The following CTSF variants were observed in gnomAD, a reference collection of about 807,000 sequenced individuals.
The protein encoded by CTSF is cathepsin F.
A neutral mutation model predicts 63.5 loss-of-function variants in CTSF; 65 were observed. That is an observed-to-expected ratio of 1.02 (90% confidence interval 0.84 to 1.26). The LOEUF is 1.26. Among genes scored for constraint, CTSF ranks in the 50% most tolerant of loss-of-function variants. The pLI, the probability that CTSF is intolerant of heterozygous loss-of-function variation, is 0.00. For synonymous variants in CTSF, 256 were observed against 258.1 expected (o/e 0.99, Z 0.08); for missense variants, 641 against 631.0 (o/e 1.02, Z -0.17).
Position 66,563,683 on chromosome 11 carries a change from T to A in CTSF, c.*250A>T, listed in dbSNP as rs1857857110. Reference sequence around the variant, plus strand: ...CTTGCCCCAGCTTCAACTGCCAAGATACCACCCTTCACCCCGACATCCTCC... The same window carrying A: ...CTTGCCCCAGCTTCAACTGCCAAGAAACCACCCTTCACCCCGACATCCTCC... On this transcript the variant is annotated 3_prime_UTR_variant, in exon 13 of 13. Transcript: ENST00000310325. 1.7e-6 allele frequency: 1 copy of A among 592,128 alleles called. No individual in the cohort carries two copies. Among genetic ancestry groups the A allele is most frequent in the African/African-American group, 1.9e-5 (1 of 53,800 alleles). The allele number at this position is 592,128 out of a possible 1,614,324, so 36.7% of individuals were successfully genotyped here. A position where few individuals can be genotyped will look rare whatever the true frequency, so the allele number is the denominator to read the frequency against.
Position 66,563,858 on chromosome 11 carries a change from A to G in CTSF, c.*75T>C. 3 of 1,570,938 alleles carry G rather than the reference A, an allele frequency of 1.9e-6. No individual in the cohort carries two copies. The highest frequency in any genetic ancestry group is 1.7e-5 in the Admixed American group (1 of 58,418). ...CCTCTGCCAGCTGTACCTCCCGGGG[A>G]GGGGCCTGGACACATGTCAGGCTGG... On this transcript the variant is annotated 3_prime_UTR_variant, in exon 13 of 13. Transcript: ENST00000310325.
intron 4 of CTSF, among the ~76,000 whole-genome samples, chr11:66,566,605 G>A (rs770776721): frequency 6.6e-6 from 1 of 152,074 alleles, no homozygotes; most frequent in Non-Finnish European, 1.5e-5. Context: ...AGTAAATGGG[G>A]TCTAAAGGAC....
chr11:66,567,492 C>A lies in CTSF; in HGVS notation c.483G>T (p.Glu161Asp). 1 of 1,614,198 alleles carries A rather than the reference C, an allele frequency of 6.2e-7. No individual in the cohort carries two copies. The highest frequency in any genetic ancestry group is 8.5e-7 in the Non-Finnish European group (1 of 1,180,028). The change falls in exon 3 of 13, where the codon GAG becomes GAT. Residue 161 changes from glutamate (E) to aspartate (D), a missense_variant. Transcript: ENST00000310325. Reference protein sequence around the residue: ...LSQNHPDNRNETFSSVISLLN... With the variant: ...LSQNHPDNRNDTFSSVISLLN... Reference sequence around the variant, plus strand: ...ACAGGGAAATGACTGAGCTGAAAGTCTCGTTTCTGTTGTCTGGATGGTTTT... The same window carrying A: ...ACAGGGAAATGACTGAGCTGAAAGTATCGTTTCTGTTGTCTGGATGGTTTT...
chr11:66,564,474 A>AT, intron 11 of CTSF, 84 bp downstream of exon 11: 1 of 1,247,270 alleles, frequency 8.0e-7, no homozygotes, highest in Non-Finnish European at 1.1e-6. Flanking sequence ...CATTCCCCCT[A>AT]TTTCCCCTCT....
At chr11:66,566,997 C>T (rs371733538) in intron 4 of CTSF, among the ~76,000 whole-genome samples, 5 of 152,072 alleles carry the variant, frequency 3.3e-5, no homozygotes, top group Middle Eastern at 3.4e-3. Flanking sequence ...CAAAGTACTG[C>T]GATTACAGAG....
Position 66,563,978 on chromosome 11 carries a change from C to T in CTSF, c.1410G>A (p.Gly470=). 6.2e-7 allele frequency: 1 copy of T among 1,613,746 alleles called. No individual in the cohort carries two copies. The highest frequency in any genetic ancestry group is 1.1e-5 in the South Asian group (1 of 91,078). ...KGYYYLHRGS[G]ACGVNTMASS... is the part of the protein sequence containing the mutation. ...TGGCCATGGTGTTCACGCCACAGGCCCCGGACCCACGATGCAAGTAGTAGT... is the reference window on the plus strand; with the variant it reads ...TGGCCATGGTGTTCACGCCACAGGCTCCGGACCCACGATGCAAGTAGTAGT... Residue 470 remains glycine (G), a synonymous_variant, in exon 13 of 13, where the codon GGG becomes GGA. Transcript: ENST00000310325.
intron 8 of CTSF, among the ~76,000 whole-genome samples, chr11:66,565,372 C>T (rs904905724): frequency 6.6e-6 from 1 of 152,216 alleles, no homozygotes; most frequent in African/African-American, 2.4e-5. Context: ...CCCCAAGTAG[C>T]TGAGACTACA....
In CTSF at chr11:66,563,589, C is replaced by T. The variant is rs536214904; in HGVS notation, c.*344G>A. ...ATTTATAGTATCAAACAGAGGAAAG[C>T]GGGGGCAGAACAGAGCTGGGCTTAA... On this transcript the variant is annotated 3_prime_UTR_variant, in exon 13 of 13. Coordinates refer to ENST00000310325, the MANE Select transcript of CTSF (RefSeq NM_003793.4). 4.1e-5 allele frequency: 20 copies of T among 491,658 alleles called. No homozygotes were observed. Among genetic ancestry groups the T allele is most frequent in the East Asian group, 2.9e-4 (9 of 30,844 alleles). The allele number at this position is 491,658 out of a possible 1,614,324, so 30.5% of individuals were successfully genotyped here. A position where few individuals can be genotyped will look rare whatever the true frequency, so the allele number is the denominator to read the frequency against.
At position 66,568,330 on chromosome 11, in the gene CTSF, C is replaced by T; in HGVS notation, c.157G>A (p.Gly53Ser). The change falls in exon 1 of 13, where the codon GGC (glycine) becomes AGC (serine). Residue 53 changes from glycine to serine, a missense_variant. Physicochemically the swap from Gly to Ser is moderately conservative, Grantham distance 56 (BLOSUM62 0). Transcript: ENST00000310325. ...TRFALEMFNRGRAAGTRAVLG... is the reference protein window; with the variant it reads ...TRFALEMFNRSRAAGTRAVLG... ...ACGGCCCGCGTCCCCGCAGCCCGGCCGCGGTTGAACATCTCCAGCGCGAAG... is the reference window on the plus strand; with the variant it reads ...ACGGCCCGCGTCCCCGCAGCCCGGCTGCGGTTGAACATCTCCAGCGCGAAG... The T allele has an allele frequency of 7.6e-7, 1 of 1,313,354 alleles. No individual in the cohort carries two copies. The highest frequency in any genetic ancestry group is 1.5e-5 in the African/African-American group (1 of 64,612). The allele number at this position is 1,313,354 out of a possible 1,614,324, so 81.4% of individuals were successfully genotyped here. A position where few individuals can be genotyped will look rare whatever the true frequency, so the allele number is the denominator to read the frequency against.
Position 66,566,419 on chromosome 11 carries a change from G to A in CTSF, c.608-15C>T, listed in dbSNP as rs1457889443. 2 of 1,612,594 alleles carry A rather than the reference G, an allele frequency of 1.2e-6. No individual in the cohort carries two copies. The highest frequency in any genetic ancestry group is 1.7e-6 in the Non-Finnish European group (2 of 1,179,310). Reference sequence around the variant, plus strand: ...CCACCGGGCTTCTGAGGACCAAGGAGCAGAAGAGGAGGGGTTCGACCCCAG... The same window carrying A: ...CCACCGGGCTTCTGAGGACCAAGGAACAGAAGAGGAGGGGTTCGACCCCAG... On this transcript the variant is annotated splice_polypyrimidine_tract_variant and intron_variant, in intron 4 of 12. Coordinates refer to ENST00000310325, the MANE Select transcript of CTSF (RefSeq NM_003793.4).
In CTSF at chr11:66,568,531, G is replaced by T; in HGVS notation, c.-45C>A. ...GCCCGGACCCAACAGACGCTCCACCGACCCACCGGGTACCGAGCCCGCGGC... is the reference window on the plus strand; with the variant it reads ...GCCCGGACCCAACAGACGCTCCACCTACCCACCGGGTACCGAGCCCGCGGC... On this transcript the variant is annotated 5_prime_UTR_variant, in exon 1 of 13. Coordinates refer to ENST00000310325, the MANE Select transcript of CTSF (RefSeq NM_003793.4). 1 of 1,476,952 alleles carries T rather than the reference G, an allele frequency of 6.8e-7. No homozygotes were observed. The highest frequency in any genetic ancestry group is 8.9e-7 in the Non-Finnish European group (1 of 1,120,994). The allele number at this position is 1,476,952 out of a possible 1,614,324, so 91.5% of individuals were successfully genotyped here. A position where few individuals can be genotyped will look rare whatever the true frequency, so the allele number is the denominator to read the frequency against.
intron 12 of CTSF, 27 bp downstream of exon 12, chr11:66,564,061 G>A (rs979893744): frequency 8.7e-6 from 14 of 1,613,172 alleles, no homozygotes; most frequent in Non-Finnish European, 1.0e-5. Context: ...CGGCTGGAGG[G>A]CCAGGGGCCA....
intron 1 of CTSF, 44 bp from the exon 2 acceptor site, chr11:66,568,126 G>A (rs1372094298): frequency 3.1e-6 from 5 of 1,589,640 alleles, no homozygotes; most frequent in Non-Finnish European, 4.3e-6. Flanking sequence ...GGCCCTTGAC[G>A]GCGCCCAAGG....
chr11:66,565,177 A>C (rs1425636948), intron 8 of CTSF, among the ~76,000 whole-genome samples, 171 bp from the exon 9 acceptor site: 1 of 152,134 alleles, frequency 6.6e-6, no homozygotes, highest in African/African-American at 2.4e-5. Flanking sequence ...TGAGGCTGGG[A>C]GAGATGGGGA....
intron 1 of CTSF, 59 bp downstream of exon 1, chr11:66,568,215 G>C: frequency 6.5e-7 from 1 of 1,527,678 alleles, no homozygotes; most frequent in Non-Finnish European, 8.8e-7. Context: ...CCAATGTTAG[G>C]TCAAAGCTCC....
chr11:66,564,037 C>A (rs768720071), intron 12 of CTSF, 30 bp from the exon 13 acceptor site: 2 of 1,613,856 alleles, frequency 1.2e-6, no homozygotes, highest in South Asian at 1.1e-5. Flanking sequence ...GGTGAGGGCA[C>A]CAGGGTAGGA....
chr11:66,568,196 G>A, intron 1 of CTSF, 78 bp downstream of exon 1: 1 of 1,529,368 alleles, frequency 6.5e-7, no homozygotes, highest in Non-Finnish European at 8.8e-7. Context: ...CCAGCGGGCA[G>A]GCCCCATCCC....
At position 66,564,128 on chromosome 11, in the gene CTSF, CA is replaced by C; in HGVS notation, c.1339del (p.Trp447GlyfsTer28). 6.2e-7 allele frequency: 1 copy of C among 1,612,686 alleles called. No homozygotes were observed. Among genetic ancestry groups the C allele is most frequent in the South Asian group, 1.1e-5 (1 of 90,742 alleles). ...AGTGCCCCAGCTGTTCTTGATGGCC[CA>C]AAAGGGAACGTCAGAGCCTGGGGTG... ...GYGNRSDVPF[W>X]AIKNSWGTDW... On this transcript the variant is annotated frameshift_variant, in exon 12 of 13. Transcript: ENST00000310325. LOFTEE classifies it high-confidence loss of function.
At chr11:66,567,200 A>C (rs886312540) in intron 4 of CTSF, 46 bp downstream of exon 4, 2 of 1,592,008 alleles carry the variant, frequency 1.3e-6, no homozygotes, top group African/African-American at 2.7e-5. Context: ...TTGGGGGGAA[A>C]GTCCTGTTCT....
Sources: allele counts gnomAD v4.1 joint callset (sites outside exome capture counted in the v4.1 genomes callset), GRCh38; gene constraint gnomAD v4.1.1; transcripts MANE v1.5; gene names NCBI Gene and HGNC (gene_info 2026-07-23, HGNC 2026-07-21).